Variants in NAA40 observed in about 807,000 individuals in gnomAD.
NAA40 encodes N-alpha-acetyltransferase 40.
In NAA40, 26 loss-of-function variants were observed where a neutral mutation model predicts 36.6. That is an observed-to-expected ratio of 0.71 (90% confidence interval 0.52 to 0.98). The LOEUF is 0.98. NAA40 is among the 50% of genes least tolerant of loss of function. The pLI is 0.00. For missense variants in NAA40, 237 were observed against 306.5 expected (o/e 0.77, Z 1.69); for synonymous variants, 129 against 108.4 (o/e 1.19, Z -1.18).
At chr11:63,939,181 CT>C (rs1436147571) in intron 1 of NAA40, 79 bp downstream of exon 1, 9 of 1,172,530 alleles carry the variant, frequency 7.7e-6, no homozygotes, top group African/African-American at 3.6e-5. Flanking sequence ...TTAAACCCCC[CT>C]CTCACGTGAC....
chr11:63,944,359 G>C (rs571146106), intron 1 of NAA40, among the ~76,000 whole-genome samples: 2 of 152,218 alleles, frequency 1.3e-5, no homozygotes, highest in South Asian at 4.2e-4. Flanking sequence ...GTCAAAAGAG[G>C]CTGCTCTATT....
chr11:63,957,061 T>A lies in NAA40; in HGVS notation c.*2582T>A, dbSNP rs1942377369. On this transcript the variant is annotated 3_prime_UTR_variant, in exon 8 of 8. Transcript: ENST00000377793. ...TGTTTGGAGCATGTTAAGATTTTTT[T>A]AAGATTTTTAAAATTTTAGTTATAT... 6.6e-6 allele frequency: 1 copy of A among 151,930 alleles called. No individual in the cohort carries two copies. The highest frequency in any genetic ancestry group is 2.4e-5 in the African/African-American group (1 of 41,386). The allele number at this position is 151,930 out of a possible 1,614,324, so 9.4% of individuals were successfully genotyped here.
intron 1 of NAA40, among the ~76,000 whole-genome samples, chr11:63,942,271 A>T (rs1459501419): frequency 6.6e-6 from 1 of 152,204 alleles, no homozygotes; most frequent in East Asian, 1.9e-4. Context: ...CTCATCAAAG[A>T]AGTAGTCACA....
rs780746195 is a variant in NAA40 at position 63,946,947 on chromosome 11, A to G, written c.103-4A>G. On this transcript the variant is annotated splice_region_variant and splice_polypyrimidine_tract_variant and intron_variant, in intron 2 of 7. Coordinates refer to ENST00000377793, the MANE Select transcript of NAA40 (RefSeq NM_024771.4). ...TGCTGTTCCTCTTTTCTTTCCCTCC[A>G]CAGCTTGGAGACCCTCTGGAGGCTT... 16 of 1,613,928 alleles carry G rather than the reference A, an allele frequency of 9.9e-6. No homozygotes were observed. The highest frequency in any genetic ancestry group is 1.4e-5 in the Non-Finnish European group (16 of 1,179,916).
chr11:63,949,004 G>T (rs1385338645), intron 3 of NAA40, among the ~76,000 whole-genome samples: 2 of 152,044 alleles, frequency 1.3e-5, no homozygotes, highest in African/African-American at 4.8e-5. Flanking sequence ...GACATAGGAA[G>T]ACCCTGTCTC....
At chr11:63,946,643 A>G (rs1942191430) in intron 2 of NAA40, 3 of 1,366,020 alleles carry the variant, frequency 2.2e-6, no homozygotes, top group Non-Finnish European at 2.9e-6. Context: ...GCAGCAGATC[A>G]GGTAGCCTCT....
At chr11:63,950,496 A>G (rs1942262582) in intron 3 of NAA40, among the ~76,000 whole-genome samples, 1 of 151,240 alleles carries the variant, frequency 6.6e-6, no homozygotes, top group South Asian at 2.1e-4. Flanking sequence ...TTTGAGACAG[A>G]GTCTCGCCCA....
rs781343052 is a variant in NAA40 at position 63,955,013 on chromosome 11, C to G, written c.*534C>G. 1 of 152,674 alleles carries G rather than the reference C, an allele frequency of 6.5e-6. No homozygotes were observed. Among genetic ancestry groups the G allele is most frequent in the Non-Finnish European group, 1.5e-5 (1 of 68,096 alleles). 9.5% of individuals were successfully genotyped at this position (152,674 alleles called of 1,614,324 possible). ...TGCTGTTAACGGAGACTGGGAAGAT[C>G]TTTTGTGCCAAGATGCAGGGAAATG... On this transcript the variant is annotated 3_prime_UTR_variant, in exon 8 of 8. Coordinates refer to ENST00000377793, the MANE Select transcript of NAA40 (RefSeq NM_024771.4).
chr11:63,944,219 A>C (rs1233947790), intron 1 of NAA40, among the ~76,000 whole-genome samples: 1 of 152,186 alleles, frequency 6.6e-6, no homozygotes, highest in African/African-American at 2.4e-5. Context: ...CTGGTTTTTC[A>C]ACTCATGCAG....
intron 3 of NAA40, among the ~76,000 whole-genome samples, chr11:63,950,328 AGGCT>A (rs1360679362): frequency 6.6e-6 from 1 of 152,134 alleles, no homozygotes; most frequent in Non-Finnish European, 1.5e-5. Flanking sequence ...CATGTTGGCC[AGGCT>A]GGTCCCGAAC....
intron 2 of NAA40, 53 bp downstream of exon 2, chr11:63,945,988 A>C: frequency 2.0e-6 from 3 of 1,528,242 alleles, no homozygotes; most frequent in Non-Finnish European, 2.7e-6. Flanking sequence ...AGCTTGGTTT[A>C]TAATTTGACT....
intron 1 of NAA40, among the ~76,000 whole-genome samples, chr11:63,941,413 C>T (rs1284829175): frequency 6.6e-6 from 1 of 152,188 alleles, no homozygotes; most frequent in Non-Finnish European, 1.5e-5. Flanking sequence ...ATTTATATTT[C>T]TCTTGCTTCA....
rs567264827 is a variant in NAA40, at chr11:63,946,910, C to T, written c.103-41C>T. 142 of 1,612,202 alleles carry T rather than the reference C, an allele frequency of 8.8e-5. 1 individual carries two copies. Among genetic ancestry groups the T allele is most frequent in the Non-Finnish European group, 1.2e-4 (140 of 1,178,260 alleles). ...CTTGGGATAGGATCTGCACCTCCGC[C>T]CCACTTGTCTGTGCTGTTCCTCTTT... On this transcript the variant is annotated intron_variant, in intron 2 of 7. Transcript: ENST00000377793.
chr11:63,945,911 T>C lies in NAA40; in HGVS notation c.78T>C (p.Cys26=), dbSNP rs1174805874. Reference sequence around the variant, plus strand: ...AGCGAGCAGCCATGGATGCCGTTTGTGCCAAAGTGGACGCTGCCAACAGGG... The same window carrying C: ...AGCGAGCAGCCATGGATGCCGTTTGCGCCAAAGTGGACGCTGCCAACAGGG... ...LEERAAMDAV[C]AKVDAANRLG... is the part of the protein sequence containing the mutation. The change falls in exon 2 of 8, where the codon TGT becomes TGC. Residue 26 remains cysteine, a synonymous_variant. Coordinates refer to ENST00000377793, the MANE Select transcript of NAA40 (RefSeq NM_024771.4). 1 of 1,614,060 alleles carries C rather than the reference T, an allele frequency of 6.2e-7. No homozygotes were observed. Among genetic ancestry groups the C allele is most frequent in the Non-Finnish European group, 8.5e-7 (1 of 1,180,030 alleles).
At position 63,957,212 on chromosome 11, in the gene NAA40, A is replaced by ATTTTTTTT. The variant is rs59290702; in HGVS notation, c.*2737_*2744dup. On this transcript the variant is annotated 3_prime_UTR_variant, in exon 8 of 8. Coordinates refer to ENST00000377793, the MANE Select transcript of NAA40 (RefSeq NM_024771.4). ...CCTTGATATATATATATATATATATATTTTTTTTTTTCTTTAGCAGCTTGT... is the reference window on the plus strand; with the variant it reads ...CCTTGATATATATATATATATATATATTTTTTTTTTTTTTTTTTTCTTTAGCAGCTTGT... 1 of 64,300 alleles carries ATTTTTTTT rather than the reference A, an allele frequency of 1.6e-5. No homozygotes were observed. Among genetic ancestry groups the ATTTTTTTT allele is most frequent in the African/African-American group, 4.2e-5 (1 of 23,942 alleles). 4.0% of individuals were successfully genotyped at this position (64,300 alleles called of 1,614,324 possible). A position where few individuals can be genotyped will look rare whatever the true frequency, so the allele number is the denominator to read the frequency against.
At chr11:63,951,000 G>C (rs1331918563) in intron 3 of NAA40, among the ~76,000 whole-genome samples, 1 of 152,170 alleles carries the variant, frequency 6.6e-6, no homozygotes, top group African/African-American at 2.4e-5. Flanking sequence ...TGGCTAAGTG[G>C]GTGATAAAGA....
rs367556586 is a variant in NAA40, at chr11:63,954,446, C to G, written c.681C>G (p.His227Gln). ...RTKFGDSHHSHAGGHCGGCCH is the reference protein window; with the variant it reads ...RTKFGDSHHSQAGGHCGGCCH Reference sequence around the variant, plus strand: ...AGTTTGGGGACAGCCATCACTCCCACGCGGGTGGGCACTGTGGTGGCTGCT... The same window carrying G: ...AGTTTGGGGACAGCCATCACTCCCAGGCGGGTGGGCACTGTGGTGGCTGCT... Residue 227 changes from histidine to glutamine, a missense_variant, in exon 8 of 8, where the codon CAC (histidine) becomes CAG (glutamine). Coordinates refer to ENST00000377793, the MANE Select transcript of NAA40 (RefSeq NM_024771.4). 15 of 1,610,090 alleles carry G rather than the reference C, an allele frequency of 9.3e-6. No homozygotes were observed. Among genetic ancestry groups the G allele is most frequent in the Non-Finnish European group, 1.2e-5 (14 of 1,178,222 alleles).
In NAA40 at chr11:63,954,559, C is replaced by T; in HGVS notation, c.*80C>T. The T allele has an allele frequency of 6.8e-7, 1 of 1,471,626 alleles. No homozygotes were observed. Among genetic ancestry groups the T allele is most frequent in the Non-Finnish European group, 9.0e-7 (1 of 1,105,628 alleles). 91.2% of individuals were successfully genotyped at this position (1,471,626 alleles called of 1,614,324 possible). ...CCTGGTCTCACTGTTCACCGGGTGT[C>T]CTCAGAGCTGTGGCCTCCCCAGCCC... On this transcript the variant is annotated 3_prime_UTR_variant, in exon 8 of 8. Transcript: ENST00000377793.
intron 6 of NAA40, 83 bp from the exon 7 acceptor site, chr11:63,953,889 C>A: frequency 8.0e-7 from 1 of 1,255,772 alleles, no homozygotes; most frequent in African/African-American, 1.5e-5. Flanking sequence ...CTTTGCCCCT[C>A]AAAGTGCTGG....
Sources: allele counts gnomAD v4.1 joint callset (sites outside exome capture counted in the v4.1 genomes callset), GRCh38; gene constraint gnomAD v4.1.1; transcripts MANE v1.5; gene names NCBI Gene and HGNC (gene_info 2026-07-23, HGNC 2026-07-21).